DYRK1A: variants seen among roughly 807,000 people sequenced by gnomAD.
DYRK1A encodes the protein dual specificity tyrosine phosphorylation regulated kinase 1A.
DYRK1A carries 9 observed loss-of-function variants against 79.7 expected under a neutral mutation model. The ratio of observed to expected loss-of-function variants is 0.11; its 90% CI spans 0.07 to 0.20. The LOEUF is 0.20. DYRK1A is among the 10% of genes least tolerant of loss of function. DYRK1A has a pLI of 1.00. For synonymous variants in DYRK1A, 349 were observed against 329.7 expected (o/e 1.06, Z -0.63); for missense variants, 622 against 956.0 (o/e 0.65, Z 4.61).
intron 2 of DYRK1A, among the ~76,000 whole-genome samples, chr21:37,428,025 T>C (rs768144390): frequency 6.6e-6 from 1 of 152,176 alleles, no homozygotes; most frequent in East Asian, 1.9e-4. Flanking sequence ...TATTAACTTA[T>C]TTACTCCTAA....
intron 4 of DYRK1A, among the ~76,000 whole-genome samples, 170 bp downstream of exon 4, chr21:37,478,470 TAAC>T (rs1414006400): frequency 6.6e-6 from 1 of 152,210 alleles, no homozygotes; most frequent in Non-Finnish European, 1.5e-5. Flanking sequence ...AAAGATATAT[TAAC>T]AAGGACTGCA....
At chr21:37,496,009 T>TG (rs1359036398) in intron 8 of DYRK1A, 109 bp from the exon 9 acceptor site, 1 of 1,019,614 alleles carries the variant, frequency 9.8e-7, no homozygotes, top group East Asian at 2.5e-5. Context: ...TCTAGAGGAG[T>TG]GCCAGACACA....
intron 1 of DYRK1A, among the ~76,000 whole-genome samples, chr21:37,416,345 G>A (rs1456333117): frequency 1.3e-5 from 1 of 77,774 alleles, no homozygotes; most frequent in Non-Finnish European, 2.6e-5. Flanking sequence ...TTTAAAGACT[G>A]TGACTGTTTT....
rs58947386 is a variant in DYRK1A, at chr21:37,519,736, G to GTTTTTTTTGTTTTTTTTT, written c.*7213_*7214insGTTTTTTTTTTTTTTTTT. ...AGAGTTTTGAGGTTTGTTGTGGGAA[G>GTTTTTTTTGTTTTTTTTT]TTTTTTTTTTTTTTTTTTTTTTTGA... On this transcript the variant is annotated 3_prime_UTR_variant, in exon 12 of 12. Transcript: ENST00000647188. 526 of 85,738 alleles carry GTTTTTTTTGTTTTTTTTT rather than the reference G, an allele frequency of 6.1e-3. 46 individuals are homozygous for GTTTTTTTTGTTTTTTTTT. Among genetic ancestry groups the GTTTTTTTTGTTTTTTTTT allele is most frequent in the African/African-American group, 0.024 (498 of 20,554 alleles). The allele number at this position is 85,738 out of a possible 1,614,324, so 5.3% of individuals were successfully genotyped here.
chr21:37,403,074 T>C (rs558428728), intron 1 of DYRK1A, among the ~76,000 whole-genome samples: 19 of 152,102 alleles, frequency 1.2e-4, no homozygotes, highest in Non-Finnish European at 2.6e-4. Flanking sequence ...CTAGATTAGA[T>C]AGTTTCTATT....
chr21:37,381,542 C>A (rs2049658520), intron 1 of DYRK1A, among the ~76,000 whole-genome samples: 1 of 152,140 alleles, frequency 6.6e-6, no homozygotes, highest in Admixed American at 6.5e-5. Flanking sequence ...TCAGGATATT[C>A]TTCACTCTTC....
At chr21:37,475,304 A>G (rs2052357697) in intron 3 of DYRK1A, among the ~76,000 whole-genome samples, 1 of 152,188 alleles carries the variant, frequency 6.6e-6, no homozygotes, top group Non-Finnish European at 1.5e-5. Context: ...AACACCATGG[A>G]CTTAACTTTT....
chr21:37,486,229 A>AT (rs1210904281), intron 5 of DYRK1A: 1 of 282,938 alleles, frequency 3.5e-6, no homozygotes, highest in Non-Finnish European at 6.5e-6. Flanking sequence ...ATATTTAGAA[A>AT]TATTGTACAA....
At chr21:37,452,757 G>GTT (rs35209884) in intron 2 of DYRK1A, among the ~76,000 whole-genome samples, 65 of 96,512 alleles carry the variant, frequency 6.7e-4, no homozygotes, top group South Asian at 1.2e-3. Context: ...TCACACTCCC[G>GTT]TTTTTTTTTT....
At chr21:37,488,038 C>T (rs1172065473) in intron 6 of DYRK1A, 1 of 152,088 alleles carries the variant, frequency 6.6e-6, no homozygotes, top group Non-Finnish European at 1.5e-5. Flanking sequence ...AGAAAAAATA[C>T]TGGTAGCATT....
chr21:37,401,571 C>G (rs1420930105), intron 1 of DYRK1A, among the ~76,000 whole-genome samples: 12 of 151,464 alleles, frequency 7.9e-5, no homozygotes, highest in South Asian at 2.1e-4. Flanking sequence ...CAACCTGCGC[C>G]TCCTGGGTTC....
At chr21:37,482,308 T>C (rs1180274628) in intron 5 of DYRK1A, among the ~76,000 whole-genome samples, 2 of 152,078 alleles carry the variant, frequency 1.3e-5, no homozygotes, top group Non-Finnish European at 2.9e-5. Context: ...TCCCTAAGCG[T>C]CGGCCGGTTT....
intron 9 of DYRK1A, chr21:37,503,184 C>T (rs1472462418): frequency 6.6e-6 from 1 of 152,112 alleles, no homozygotes. Flanking sequence ...TTTGAAAATC[C>T]TCAGATACAG....
intron 4 of DYRK1A, among the ~76,000 whole-genome samples, chr21:37,478,629 C>T (rs1000852626): frequency 1.9e-4 from 29 of 151,922 alleles, no homozygotes; most frequent in African/African-American, 7.0e-4. Flanking sequence ...GGAATAAGGA[C>T]TCTAAAAGTA....
chr21:37,395,387 A>G (rs1039678071), intron 1 of DYRK1A, among the ~76,000 whole-genome samples: 1 of 152,154 alleles, frequency 6.6e-6, no homozygotes, highest in Non-Finnish European at 1.5e-5. Context: ...GGGAGTATAT[A>G]TTCAGGGCAG....
rs199562387 is a variant in DYRK1A at position 37,426,935 on chromosome 21, AG to A, written c.10+6552del. 3.9e-4 allele frequency among the ~76,000 whole-genome samples: 56 copies of A among 143,802 alleles called. 4 individuals are homozygous for A. The highest frequency in any genetic ancestry group is 5.3e-4 in the African/African-American group (19 of 35,742). The allele number at this position is 143,802 out of a possible 152,430, so 94.3% of individuals were successfully genotyped here. A position where few individuals can be genotyped will look rare whatever the true frequency, so the allele number is the denominator to read the frequency against. On this transcript the variant is annotated intron_variant, in intron 2 of 11. Coordinates refer to ENST00000647188, the MANE Select transcript of DYRK1A (RefSeq NM_001347721.2). Reference sequence around the variant, plus strand: ...ACTCGGTTCTAAAAAAAAAAAAAAAAGAGATGAATAACCAAGAAGAAATGAA... The same window carrying A: ...ACTCGGTTCTAAAAAAAAAAAAAAAAAGATGAATAACCAAGAAGAAATGAA...
chr21:37,464,240 G>A (rs2051949136), intron 2 of DYRK1A: 1 of 470,488 alleles, frequency 2.1e-6, no homozygotes, highest in East Asian at 6.4e-5. Flanking sequence ...TCTTTGAGAT[G>A]TGTTGTTTAT....
At chr21:37,495,152 TTG>T (rs56226706) in intron 8 of DYRK1A, among the ~76,000 whole-genome samples, 17,755 of 137,228 alleles carry the variant, frequency 0.13, 1,092 homozygotes, top group Non-Finnish European at 0.14. Context: ...CTCTGGGATT[TTG>T]TGTGTGTGTG....
At chr21:37,399,987 T>C (rs2050024524) in intron 1 of DYRK1A, among the ~76,000 whole-genome samples, 1 of 152,154 alleles carries the variant, frequency 6.6e-6, no homozygotes, top group Non-Finnish European at 1.5e-5. Flanking sequence ...CAACAGAAAT[T>C]TATTCTCTTA....
Sources: gnomAD v4.1 joint callset for allele counts (sites outside exome capture counted in the v4.1 genomes callset) on GRCh38, gnomAD v4.1.1 for gene constraint, MANE v1.5 for transcripts, NCBI Gene and HGNC (gene_info 2026-07-23, HGNC 2026-07-21) for gene names.